The following STAM2 variants were observed in gnomAD, a reference collection of about 807,000 sequenced individuals.
The protein encoded by STAM2 is signal transducing adaptor molecule 2, also known as signal transducing adapter molecule 2.
A neutral mutation model predicts 65.6 loss-of-function variants in STAM2; 51 were observed. The ratio of observed to expected loss-of-function variants is 0.78; its 90% CI spans 0.62 to 0.98. The LOEUF (loss-of-function observed/expected upper bound fraction) is 0.98, where lower values mean the gene tolerates loss of function less well. Among genes scored for constraint, STAM2 ranks in the 50% least tolerant of loss-of-function variants. STAM2 has a pLI of 0.00. For missense variants in STAM2, 584 were observed against 617.8 expected (o/e 0.95, Z 0.58); for synonymous variants, 198 against 208.4 (o/e 0.95, Z 0.43).
chr2:152,129,362 G>T (rs1689017925), intron 11 of STAM2, among the ~76,000 whole-genome samples: 1 of 152,140 alleles, frequency 6.6e-6, no homozygotes, highest in African/African-American at 2.4e-5. Context: ...TATTACCCAA[G>T]TTGGTCTCAA....
intron 1 of STAM2, among the ~76,000 whole-genome samples, chr2:152,152,535 T>C (rs778292689): frequency 7.3e-5 from 11 of 150,296 alleles, no homozygotes; most frequent in Non-Finnish European, 1.2e-4. Context: ...GGTGACAGAG[T>C]GAGACTCTGT....
intron 2 of STAM2, among the ~76,000 whole-genome samples, chr2:152,149,852 G>A (rs994681492): frequency 1.3e-5 from 2 of 152,054 alleles, no homozygotes; most frequent in East Asian, 1.9e-4. Flanking sequence ...ACAGTAGATG[G>A]ACATATATTT....
At chr2:152,154,906 A>G (rs1689513787) in intron 1 of STAM2, among the ~76,000 whole-genome samples, 1 of 152,192 alleles carries the variant, frequency 6.6e-6, no homozygotes, top group African/African-American at 2.4e-5. Flanking sequence ...CTGGTTCTAA[A>G]TCCATTAGGT....
chr2:152,134,519 C>A (rs1689117650), intron 8 of STAM2, among the ~76,000 whole-genome samples: 1 of 152,212 alleles, frequency 6.6e-6, no homozygotes, highest in South Asian at 2.1e-4. Context: ...TCTACACATA[C>A]AAAGACGATG....
intron 1 of STAM2, 36 bp downstream of exon 1, chr2:152,175,567 G>C: frequency 6.2e-7 from 1 of 1,613,618 alleles, no homozygotes; most frequent in African/African-American, 1.3e-5. Flanking sequence ...TCCAGGGCCA[G>C]GCACACAGCA....
chr2:152,117,877 G>A lies in STAM2; in HGVS notation c.*2697C>T, dbSNP rs531790235. ...AAGTATCAATTATTTCAAACAGCAT[G>A]ACAATTTAACTACAAATAATTTCAA... On this transcript the variant is annotated 3_prime_UTR_variant, in exon 14 of 14. Coordinates refer to ENST00000263904, the MANE Select transcript of STAM2 (RefSeq NM_005843.6). 1 of 152,144 alleles carries A rather than the reference G, an allele frequency of 6.6e-6. No homozygotes were observed. The highest frequency in any genetic ancestry group is 2.4e-5 in the African/African-American group (1 of 41,552). The allele number at this position is 152,144 out of a possible 1,614,324, so 9.4% of individuals were successfully genotyped here.
At chr2:152,162,193 T>C (rs951531601) in intron 1 of STAM2, among the ~76,000 whole-genome samples, 1 of 152,174 alleles carries the variant, frequency 6.6e-6, no homozygotes, top group African/African-American at 2.4e-5. Flanking sequence ...AGCAATTTAA[T>C]TAAAAACAAT....
intron 8 of STAM2, 33 bp from the exon 9 acceptor site, chr2:152,133,517 CA>C: frequency 6.6e-7 from 1 of 1,526,078 alleles, no homozygotes; most frequent in Middle Eastern, 1.8e-4. Context: ...AGTTCCTCAG[CA>C]TTTACTTCAG....
At chr2:152,155,855 C>T (rs769704654) in intron 1 of STAM2, among the ~76,000 whole-genome samples, 2 of 152,130 alleles carry the variant, frequency 1.3e-5, no homozygotes, top group South Asian at 2.1e-4. Flanking sequence ...GAACCTCACA[C>T]GTGGTGTGAG....
At chr2:152,135,107 G>A (rs999421245) in intron 8 of STAM2, among the ~76,000 whole-genome samples, 17 of 152,138 alleles carry the variant, frequency 1.1e-4, no homozygotes, top group African/African-American at 3.6e-4. Context: ...AATCATATTC[G>A]GCACTTGCCA....
chr2:152,171,659 A>G (rs1689900783), intron 1 of STAM2, among the ~76,000 whole-genome samples: 1 of 152,246 alleles, frequency 6.6e-6, no homozygotes, highest in African/African-American at 2.4e-5. Flanking sequence ...TCAGAAACAC[A>G]GCAATACACA....
chr2:152,164,503 G>A (rs923594841), intron 1 of STAM2, among the ~76,000 whole-genome samples: 2 of 152,024 alleles, frequency 1.3e-5, no homozygotes, highest in East Asian at 1.9e-4. Context: ...CCACCACGCC[G>A]GGCTAATTTT....
At chr2:152,166,652 C>T (rs911655524) in intron 1 of STAM2, among the ~76,000 whole-genome samples, 1 of 151,898 alleles carries the variant, frequency 6.6e-6, no homozygotes, top group Non-Finnish European at 1.5e-5. Context: ...TTAAGAGAAC[C>T]TAATAAGGTA....
intron 4 of STAM2, 87 bp from the exon 5 acceptor site, chr2:152,147,395 A>C: frequency 8.0e-7 from 1 of 1,244,672 alleles, no homozygotes; most frequent in Middle Eastern, 2.4e-4. Flanking sequence ...TTACCATCAA[A>C]ATTCTCTTTA....
At chr2:152,142,994 T>A (rs1689276461) in intron 7 of STAM2, among the ~76,000 whole-genome samples, 1 of 152,172 alleles carries the variant, frequency 6.6e-6, no homozygotes, top group Admixed American at 6.5e-5. Context: ...CAACAGCACC[T>A]CTTTTATGGT....
chr2:152,144,767 G>A (rs1689308500), intron 6 of STAM2, 121 bp downstream of exon 6: 2 of 723,456 alleles, frequency 2.8e-6, no homozygotes, highest in Non-Finnish European at 4.9e-6. Flanking sequence ...TCGATCTCTT[G>A]ACCTCATGAT....
At chr2:152,167,290 C>G (rs1451139231) in intron 1 of STAM2, among the ~76,000 whole-genome samples, 1 of 152,168 alleles carries the variant, frequency 6.6e-6, no homozygotes, top group Non-Finnish European at 1.5e-5. Flanking sequence ...AAATGTTCCA[C>G]AAGGTGCTAT....
intron 1 of STAM2, among the ~76,000 whole-genome samples, chr2:152,171,166 G>A (rs762676035): frequency 1.3e-5 from 2 of 152,170 alleles, no homozygotes; most frequent in African/African-American, 4.8e-5. Context: ...AAAGGAGGAA[G>A]AATGGGATCA....
intron 7 of STAM2, among the ~76,000 whole-genome samples, chr2:152,142,594 C>G (rs1286787251): frequency 1.3e-5 from 2 of 152,108 alleles, no homozygotes; most frequent in Non-Finnish European, 2.9e-5. Context: ...ATAAACCATT[C>G]TGGTTTTTAC....
Sources: allele counts gnomAD v4.1 joint callset (sites outside exome capture counted in the v4.1 genomes callset), GRCh38; gene constraint gnomAD v4.1.1; transcripts MANE v1.5; gene names NCBI Gene and HGNC (gene_info 2026-07-23, HGNC 2026-07-21).